The following DNAH14 variants were observed in gnomAD, a reference collection of about 807,000 sequenced individuals.
DNAH14 encodes dynein axonemal heavy chain 14.
A neutral mutation model predicts 520.9 loss-of-function variants in DNAH14; 478 were observed. That is an observed-to-expected ratio of 0.92 (90% CI 0.85 to 0.99). The LOEUF (loss-of-function observed/expected upper bound fraction) is 0.99, where lower values mean the gene tolerates loss of function less well. Ranked by LOEUF, DNAH14 falls within the 50% of genes least tolerant of loss-of-function variation. DNAH14 has a pLI of 0.00. For missense variants in DNAH14, 4,831 were observed against 5,234.5 expected, an observed-to-expected ratio of 0.92 and a Z score of 2.38; for synonymous variants, 1,581 against 1,757.2, an observed-to-expected ratio of 0.90 and a Z score of 2.51.
At chr1:225,220,202 T>C (rs2089906335) in intron 41 of DNAH14, among the ~76,000 whole-genome samples, 1 of 152,184 alleles carries the variant, frequency 6.6e-6, no homozygotes, top group South Asian at 2.1e-4. Context: ...GCCAATGTCA[T>C]ACTGAATGAG....
chr1:224,986,109 G>T (rs1263316110), intron 8 of DNAH14, among the ~76,000 whole-genome samples: 1 of 151,592 alleles, frequency 6.6e-6, no homozygotes, highest in Admixed American at 6.6e-5. Flanking sequence ...CCAGTAACAA[G>T]TAAGAAGATC....
chr1:225,239,325 C>T (rs750582254), intron 42 of DNAH14, among the ~76,000 whole-genome samples: 9 of 152,066 alleles, frequency 5.9e-5, no homozygotes, highest in East Asian at 1.9e-4. Flanking sequence ...CATGGGCTCA[C>T]GGGGGATCTC....
At chr1:225,366,446 C>A (rs985968833) in intron 76 of DNAH14, among the ~76,000 whole-genome samples, 3 of 152,164 alleles carry the variant, frequency 2.0e-5, no homozygotes, top group Non-Finnish European at 4.4e-5. Flanking sequence ...CTTTCCCCTT[C>A]AGATATAGTT....
chr1:225,258,244 AATTT>A (rs541968901), intron 45 of DNAH14, 126 bp downstream of exon 45: 15 of 923,904 alleles, frequency 1.6e-5, no homozygotes, highest in Admixed American at 3.8e-5. Context: ...TTACTATATT[AATTT>A]ATTTTCTTAC....
At chr1:225,137,333 TTGA>T (rs1465732533) in intron 27 of DNAH14, among the ~76,000 whole-genome samples, 1 of 152,006 alleles carries the variant, frequency 6.6e-6, no homozygotes, top group Non-Finnish European at 1.5e-5. Flanking sequence ...TCTTTTTTTG[TTGA>T]TGTTGTTGTT....
intron 38 of DNAH14, among the ~76,000 whole-genome samples, chr1:225,202,083 C>T (rs543172944): frequency 1.8e-4 from 27 of 152,068 alleles, no homozygotes; most frequent in Non-Finnish European, 3.1e-4. Flanking sequence ...ACCATGTTGG[C>T]CAGGCTGATC....
chr1:225,170,190 G>A (rs1395815725), intron 36 of DNAH14, among the ~76,000 whole-genome samples: 1 of 152,148 alleles, frequency 6.6e-6, no homozygotes. Flanking sequence ...GACCGTTGAG[G>A]CTAGGAAGAA....
At chr1:225,066,646 C>T (rs536094933) in intron 17 of DNAH14, among the ~76,000 whole-genome samples, 9 of 152,018 alleles carry the variant, frequency 5.9e-5, no homozygotes, top group East Asian at 1.9e-4. Flanking sequence ...ATCTCACACC[C>T]CCCTCCCACC....
intron 46 of DNAH14, among the ~76,000 whole-genome samples, chr1:225,262,225 G>A (rs1298771727): frequency 3.3e-5 from 5 of 150,696 alleles, no homozygotes; most frequent in Non-Finnish European, 1.5e-5. Flanking sequence ...TGAGTTTCTT[G>A]TAGATTCTGG....
chr1:225,241,893 C>T (rs1026472504), intron 43 of DNAH14, among the ~76,000 whole-genome samples: 1 of 152,150 alleles, frequency 6.6e-6, no homozygotes, highest in Non-Finnish European at 1.5e-5. Flanking sequence ...TTTATAAATA[C>T]TGTACACTTA....
chr1:225,269,059 C>T (rs1317960861), intron 49 of DNAH14, among the ~76,000 whole-genome samples: 1 of 152,116 alleles, frequency 6.6e-6, no homozygotes, highest in Non-Finnish European at 1.5e-5. Flanking sequence ...GGAGGCATCA[C>T]GCTACCTGAC....
Position 225,333,526 on chromosome 1 carries a change from A to AT in DNAH14, c.10080+21dup. On this transcript the variant is annotated intron_variant, in intron 66 of 85. Coordinates refer to ENST00000682510, the MANE Select transcript of DNAH14 (RefSeq NM_001367479.1). Reference sequence around the variant, plus strand: ...TATGAGGTAATAACATATTTCTATTATCCAGTTAAGTGGCTATTATTGTTT... The same window carrying AT: ...TATGAGGTAATAACATATTTCTATTATTCCAGTTAAGTGGCTATTATTGTTT... 1 of 1,536,658 alleles carries AT rather than the reference A, an allele frequency of 6.5e-7. No individual in the cohort carries two copies. Among genetic ancestry groups the AT allele is most frequent in the Non-Finnish European group, 8.8e-7 (1 of 1,135,854 alleles).
At chr1:225,081,279 C>T (rs2073087387) in intron 19 of DNAH14, among the ~76,000 whole-genome samples, 1 of 152,134 alleles carries the variant, frequency 6.6e-6, no homozygotes, top group South Asian at 2.1e-4. Context: ...TTTAAAGACT[C>T]CTCCCCTATC....
intron 66 of DNAH14, among the ~76,000 whole-genome samples, chr1:225,335,234 CAT>C (rs575325106): frequency 0.03 from 3,625 of 120,078 alleles, 435 homozygotes; most frequent in East Asian, 0.15. Context: ...CACATATACA[CAT>C]GTGTACATTG....
At chr1:225,335,322 CATAT>C (rs1176818458) in intron 66 of DNAH14, among the ~76,000 whole-genome samples, 1 of 112,566 alleles carries the variant, frequency 8.9e-6, no homozygotes, top group Non-Finnish European at 1.8e-5. Context: ...TGTATATGCA[CATAT>C]ACACGTGTGT....
intron 9 of DNAH14, 46 bp from the exon 10 acceptor site, chr1:225,007,367 T>C (rs1343859310): frequency 4.3e-6 from 6 of 1,398,336 alleles, no homozygotes; most frequent in African/African-American, 1.5e-5. Context: ...TTTTTAAATA[T>C]GAATTTTGAC....
intron 41 of DNAH14, among the ~76,000 whole-genome samples, chr1:225,214,481 G>T (rs1456206373): frequency 6.6e-6 from 1 of 152,102 alleles, no homozygotes; most frequent in Non-Finnish European, 1.5e-5. Context: ...CAGAAGGAAT[G>T]GTACCAGCTC....
At chr1:225,009,819 A>C (rs2449282) in intron 10 of DNAH14, among the ~76,000 whole-genome samples, 120,236 of 151,954 alleles carry the variant, frequency 0.79, 48,688 homozygotes, top group Non-Finnish European at 0.88. Flanking sequence ...GAGGTCCTTC[A>C]CATCTCTTGT....
chr1:225,320,739 A>T (rs1347699471), intron 61 of DNAH14, among the ~76,000 whole-genome samples: 1 of 152,212 alleles, frequency 6.6e-6, no homozygotes, highest in Non-Finnish European at 1.5e-5. Flanking sequence ...GAAAATGCAG[A>T]TTGGAGAAAA....
Sources: gnomAD v4.1 joint callset for allele counts (sites outside exome capture counted in the v4.1 genomes callset) on GRCh38, gnomAD v4.1.1 for gene constraint, MANE v1.5 for transcripts, NCBI Gene and HGNC (gene_info 2026-07-23, HGNC 2026-07-21) for gene names.